CYP20A1: variants seen among roughly 807,000 people sequenced by gnomAD.
CYP20A1 encodes the protein cytochrome P450 family 20 subfamily A member 1.
CYP20A1 carries 61 observed loss-of-function variants against 61.4 expected under a neutral mutation model. That is an observed-to-expected ratio of 0.99 (90% CI 0.81 to 1.23). CYP20A1 has a LOEUF of 1.23. CYP20A1 is among the 50% of genes most tolerant of loss of function. The pLI, the probability that CYP20A1 is intolerant of heterozygous loss-of-function variation, is 0.00. For missense variants in CYP20A1, 530 were observed against 542.4 expected (o/e 0.98, Z 0.23); for synonymous variants, 193 against 188.2 (o/e 1.03, Z -0.21).
intron 4 of CYP20A1, 34 bp downstream of exon 4, chr2:203,252,143 C>T (rs1199867230): frequency 6.6e-7 from 1 of 1,519,288 alleles, no homozygotes; most frequent in Non-Finnish European, 8.9e-7. Flanking sequence ...TAGTGTTCTA[C>T]AACATAAATA....
chr2:203,275,907 A>G (rs2067801487), intron 6 of CYP20A1, among the ~76,000 whole-genome samples: 2 of 152,256 alleles, frequency 1.3e-5, no homozygotes, highest in African/African-American at 4.8e-5. Flanking sequence ...AGTAATCTAA[A>G]TAAGTAAACT....
At chr2:203,295,671 G>A (rs755491009) in intron 11 of CYP20A1, among the ~76,000 whole-genome samples, 1 of 152,076 alleles carries the variant, frequency 6.6e-6, no homozygotes, top group Non-Finnish European at 1.5e-5. Flanking sequence ...AAGTAGGCCG[G>A]GTGCCGTGGC....
rs1018857402 is a variant in CYP20A1 at position 203,272,751 on chromosome 2, A to G, written c.679+3A>G. Reference sequence around the variant, plus strand: ...TCGGAAAAAACAATATGAAGATGGTAAGTTTGGTCACTTAATTTTTAGTGA... The same window carrying G: ...TCGGAAAAAACAATATGAAGATGGTGAGTTTGGTCACTTAATTTTTAGTGA... On this transcript the variant is annotated splice_donor_region_variant and intron_variant, in intron 6 of 12. Transcript: ENST00000356079. 15 of 1,574,508 alleles carry G rather than the reference A, an allele frequency of 9.5e-6. No homozygotes were observed. The highest frequency in any genetic ancestry group is 1.2e-5 in the Non-Finnish European group (14 of 1,157,508).
intron 9 of CYP20A1, among the ~76,000 whole-genome samples, chr2:203,286,085 A>G (rs1368646738): frequency 6.6e-6 from 1 of 152,198 alleles, no homozygotes; most frequent in Admixed American, 6.5e-5. Flanking sequence ...AGGTAAGTGG[A>G]TCACTTAAGC....
intron 4 of CYP20A1, among the ~76,000 whole-genome samples, chr2:203,256,588 G>C (rs1306159184): frequency 6.6e-6 from 1 of 151,994 alleles, no homozygotes; most frequent in African/African-American, 2.4e-5. Flanking sequence ...CAAACTCCTA[G>C]CCTCAGGTGA....
chr2:203,267,165 A>C (rs1313094747), intron 5 of CYP20A1, among the ~76,000 whole-genome samples: 1 of 152,050 alleles, frequency 6.6e-6, no homozygotes. Context: ...CCTGTCTCTA[A>C]AAAATAATAA....
intron 8 of CYP20A1, among the ~76,000 whole-genome samples, chr2:203,283,896 A>T (rs2068153344): frequency 6.6e-6 from 1 of 152,116 alleles, no homozygotes; most frequent in Non-Finnish European, 1.5e-5. Flanking sequence ...TACAGGATTG[A>T]CCACTGTGTG....
At position 203,304,087 on chromosome 2, in the gene CYP20A1, C is replaced by T. The variant is rs888374394; in HGVS notation, c.*7179C>T. 6.6e-6 allele frequency among the ~76,000 whole-genome samples: 1 copy of T among 151,272 alleles called. No individual in the cohort carries two copies. The highest frequency in any genetic ancestry group is 2.4e-5 in the African/African-American group (1 of 41,134). ...ATACAAAAATTAGTGGGTGTGGAGG[C>T]GGGCGAATGTAATCCCAGCTAGTTG... On this transcript the variant is annotated 3_prime_UTR_variant, in exon 13 of 13. Coordinates refer to ENST00000356079, the MANE Select transcript of CYP20A1 (RefSeq NM_177538.3).
rs557344706 is a variant in CYP20A1 at position 203,300,922 on chromosome 2, C to T, written c.*4014C>T. 7.9e-5 allele frequency among the ~76,000 whole-genome samples: 11 copies of T among 139,350 alleles called. No homozygotes were observed. The East Asian group carries it at 1.9e-3, about 24-fold the overall frequency. 91.4% of individuals were successfully genotyped at this position (139,350 alleles called of 152,430 possible). On this transcript the variant is annotated 3_prime_UTR_variant, in exon 13 of 13. Coordinates refer to ENST00000356079, the MANE Select transcript of CYP20A1 (RefSeq NM_177538.3). ...AAAAAAAAAAAAAAAAACGGCCAGGCGAGGTGGCTCACACCTGTAATCCCA... is the reference window on the plus strand; with the variant it reads ...AAAAAAAAAAAAAAAAACGGCCAGGTGAGGTGGCTCACACCTGTAATCCCA...
In CYP20A1 at chr2:203,299,559, A is replaced by T. The variant is rs919408600; in HGVS notation, c.*2651A>T. On this transcript the variant is annotated 3_prime_UTR_variant, in exon 13 of 13. Coordinates refer to ENST00000356079, the MANE Select transcript of CYP20A1 (RefSeq NM_177538.3). ...GCAGTCTGTATTTTTGAAAAAAAAAATTTTTTTTGGAATAACTTAAATTCT... is the reference window on the plus strand; with the variant it reads ...GCAGTCTGTATTTTTGAAAAAAAAATTTTTTTTTGGAATAACTTAAATTCT... Among the ~76,000 whole-genome samples the T allele has an allele frequency of 8.8e-4, 134 of 152,046 alleles. No homozygotes were observed. The highest frequency in any genetic ancestry group is 3.4e-3 in the Admixed American group (52 of 15,236).
chr2:203,251,929 T>A, intron 3 of CYP20A1, 38 bp from the exon 4 acceptor site: 2 of 1,488,870 alleles, frequency 1.3e-6, no homozygotes. Context: ...TTTTGAGTGA[T>A]TATTTTGATA....
intron 11 of CYP20A1, 91 bp downstream of exon 11, chr2:203,292,417 A>G (rs993056329): frequency 6.0e-6 from 5 of 834,850 alleles, no homozygotes; most frequent in African/African-American, 3.4e-5. Context: ...AGAAAACTCA[A>G]TATGTAGCAA....
intron 5 of CYP20A1, 25 bp downstream of exon 5, chr2:203,266,706 T>C: frequency 6.2e-7 from 1 of 1,607,278 alleles, no homozygotes; most frequent in Non-Finnish European, 8.5e-7. Flanking sequence ...AAATTTAAAA[T>C]TACTCTTTCA....
At chr2:203,250,194 A>C (rs1221791075) in intron 3 of CYP20A1, among the ~76,000 whole-genome samples, 2 of 152,250 alleles carry the variant, frequency 1.3e-5, no homozygotes, top group Non-Finnish European at 2.9e-5. Flanking sequence ...AATTTGAAGC[A>C]ACCTAAATAT....
intron 3 of CYP20A1, among the ~76,000 whole-genome samples, chr2:203,248,272 G>A (rs1182709322): frequency 6.6e-6 from 1 of 152,042 alleles, no homozygotes; most frequent in African/African-American, 2.4e-5. Flanking sequence ...GATGGCTCCT[G>A]CCTGGTGTCC....
At chr2:203,267,847 A>C (rs1195563738) in intron 5 of CYP20A1, among the ~76,000 whole-genome samples, 1 of 151,666 alleles carries the variant, frequency 6.6e-6, no homozygotes, top group Non-Finnish European at 1.5e-5. Context: ...CCATCTCAAA[A>C]AAAAAAAAAA....
At chr2:203,260,154 T>C (rs1284353988) in intron 4 of CYP20A1, among the ~76,000 whole-genome samples, 1 of 152,020 alleles carries the variant, frequency 6.6e-6, no homozygotes, top group Admixed American at 6.6e-5. Context: ...CTTGAACTCC[T>C]GACCTCAGGT....
intron 11 of CYP20A1, among the ~76,000 whole-genome samples, chr2:203,295,695 C>T (rs989942752): frequency 2.0e-5 from 3 of 152,088 alleles, no homozygotes; most frequent in Admixed American, 6.6e-5. Flanking sequence ...TACCTATAAT[C>T]CCAGCACTTT....
At chr2:203,294,419 C>T (rs1031613648) in intron 11 of CYP20A1, among the ~76,000 whole-genome samples, 10 of 151,750 alleles carry the variant, frequency 6.6e-5, no homozygotes, top group African/African-American at 2.4e-4. Flanking sequence ...TGCCTGTAAT[C>T]CCAGCTACTC....
Sources: gnomAD v4.1 joint callset for allele counts (sites outside exome capture counted in the v4.1 genomes callset) on GRCh38, gnomAD v4.1.1 for gene constraint, MANE v1.5 for transcripts, NCBI Gene and HGNC (gene_info 2026-07-23, HGNC 2026-07-21) for gene names.